SDK1: variants seen among roughly 807,000 people sequenced by gnomAD.
SDK1 encodes the protein sidekick cell adhesion molecule 1.
In SDK1, 157 loss-of-function variants were observed where a neutral mutation model predicts 245.5. The ratio of observed to expected loss-of-function variants is 0.64; its 90% CI spans 0.56 to 0.73. The LOEUF (loss-of-function observed/expected upper bound fraction) is 0.73, where lower values mean the gene tolerates loss of function less well. SDK1 is among the 30% of genes least tolerant of loss of function. The pLI is 0.00. For synonymous variants in SDK1, 1,647 were observed against 1,278.5 expected, an observed-to-expected ratio of 1.29 and a Z score of -6.15; for missense variants, 3,583 against 3,002.3, an observed-to-expected ratio of 1.19 and a Z score of -4.52.
intron 1 of SDK1, among the ~76,000 whole-genome samples, chr7:3,413,346 G>T (rs955265820): frequency 6.6e-6 from 1 of 152,186 alleles, no homozygotes; most frequent in African/African-American, 2.4e-5. Context: ...CCTCACTGTG[G>T]TAAGGAGTTG....
intron 1 of SDK1, among the ~76,000 whole-genome samples, chr7:3,457,201 C>G (rs763818827): frequency 3.9e-5 from 6 of 152,076 alleles, no homozygotes; most frequent in Non-Finnish European, 8.8e-5. Flanking sequence ...TTAGCTGCTG[C>G]CTTTGGTTGT....
intron 4 of SDK1, among the ~76,000 whole-genome samples, chr7:3,733,919 A>G (rs1025137214): frequency 5.9e-5 from 9 of 151,912 alleles, no homozygotes; most frequent in African/African-American, 2.2e-4. Flanking sequence ...AGAGCTACTG[A>G]CCGAGATCTC....
chr7:3,940,011 A>T lies in SDK1; in HGVS notation c.848-10912A>T, dbSNP rs553887307. 1.8e-3 allele frequency among the ~76,000 whole-genome samples: 269 copies of T among 152,368 alleles called. 1 individual carries two copies. Among genetic ancestry groups the T allele is most frequent in the African/African-American group, 6.2e-3 (259 of 41,582 alleles). ...CGTAGGCAATGTTCAAGGCCAGGAAAGACTCACCAGTTCCTGTGCTTCCCA... is the reference window on the plus strand; with the variant it reads ...CGTAGGCAATGTTCAAGGCCAGGAATGACTCACCAGTTCCTGTGCTTCCCA... On this transcript the variant is annotated intron_variant, in intron 5 of 44. Coordinates refer to ENST00000404826, the MANE Select transcript of SDK1 (RefSeq NM_152744.4).
chr7:4,186,282 G>A (rs1782889678), intron 35 of SDK1, among the ~76,000 whole-genome samples: 1 of 152,130 alleles, frequency 6.6e-6, no homozygotes, highest in African/African-American at 2.4e-5. Flanking sequence ...AGACAAGCAT[G>A]GCCGCCAGCC....
At chr7:4,083,731 TCCA>T (rs1372837152) in intron 22 of SDK1, among the ~76,000 whole-genome samples, 3 of 628 alleles carry the variant, frequency 4.8e-3, no homozygotes, top group Non-Finnish European at 9.4e-3. Context: ...CTTTACTTCC[TCCA>T]TCCCTCCCTT....
intron 1 of SDK1, among the ~76,000 whole-genome samples, chr7:3,495,217 C>A (rs1304921971): frequency 6.6e-6 from 1 of 151,652 alleles, no homozygotes; most frequent in African/African-American, 2.4e-5. Context: ...TTCAGCGAGG[C>A]CCCTTTCTGT....
At chr7:3,893,789 TG>T (rs1431359175) in intron 5 of SDK1, among the ~76,000 whole-genome samples, 4 of 151,912 alleles carry the variant, frequency 2.6e-5, no homozygotes, top group African/African-American at 9.7e-5. Flanking sequence ...CTCCAGGTGA[TG>T]GTGATTTCGT....
At position 3,581,692 on chromosome 7, in the gene SDK1, T is replaced by C. The variant is rs114075858; in HGVS notation, c.299-37388T>C. ...AATCGTTCTACGACAAAGACACATA[T>C]ACATGGATATTCATTGCAGCAGTAT... On this transcript the variant is annotated intron_variant, in intron 1 of 44. Coordinates refer to ENST00000404826, the MANE Select transcript of SDK1 (RefSeq NM_152744.4). Among the ~76,000 whole-genome samples, 402 of 152,310 alleles carry C rather than the reference T, an allele frequency of 2.6e-3. 2 individuals are homozygous for C. Among genetic ancestry groups the C allele is most frequent in the African/African-American group, 9.2e-3 (382 of 41,564 alleles).
At chr7:3,344,619 A>T (rs1780444267) in intron 1 of SDK1, among the ~76,000 whole-genome samples, 1 of 152,168 alleles carries the variant, frequency 6.6e-6, no homozygotes, top group African/African-American at 2.4e-5. Flanking sequence ...AACAAATGTT[A>T]AAACTGCATT....
At chr7:3,858,949 A>T (rs911644043) in intron 5 of SDK1, among the ~76,000 whole-genome samples, 3 of 140,562 alleles carry the variant, frequency 2.1e-5, no homozygotes. Flanking sequence ...TGCAAGCTCC[A>T]CCCACCAGGT....
At chr7:3,721,034 T>C (rs2115029177) in intron 4 of SDK1, among the ~76,000 whole-genome samples, 1 of 152,316 alleles carries the variant, frequency 6.6e-6, no homozygotes, top group South Asian at 2.1e-4. Flanking sequence ...ATTCCATTTA[T>C]TTAAGATCCC....
chr7:3,743,252 C>T (rs925012516), intron 4 of SDK1, among the ~76,000 whole-genome samples: 10 of 152,000 alleles, frequency 6.6e-5, no homozygotes, highest in Admixed American at 2.0e-4. Context: ...TATGCCTGGA[C>T]GTAAATAGCA....
chr7:3,751,052 G>A (rs548569748), intron 4 of SDK1, among the ~76,000 whole-genome samples: 19 of 152,092 alleles, frequency 1.2e-4, no homozygotes. Flanking sequence ...ATACCTTCGA[G>A]CTCCACCCTG....
At chr7:3,556,213 C>T (rs1177333606) in intron 1 of SDK1, among the ~76,000 whole-genome samples, 2 of 138,164 alleles carry the variant, frequency 1.4e-5, no homozygotes, top group Non-Finnish European at 1.6e-5. Flanking sequence ...GATACATATA[C>T]ACGATGGAGT....
intron 35 of SDK1, among the ~76,000 whole-genome samples, chr7:4,193,392 AT>A (rs369596679): frequency 0.18 from 24,773 of 138,044 alleles, 2,375 homozygotes; most frequent in Middle Eastern, 0.27. Flanking sequence ...ATATATATAT[AT>A]ATATAAAGGG....
At chr7:3,562,078 A>G (rs956451427) in intron 1 of SDK1, among the ~76,000 whole-genome samples, 4 of 152,344 alleles carry the variant, frequency 2.6e-5, no homozygotes, top group Non-Finnish European at 5.9e-5. Flanking sequence ...CTGGGACAGA[A>G]TGCCACGCCT....
intron 2 of SDK1, among the ~76,000 whole-genome samples, chr7:3,627,020 C>T (rs1417354795): frequency 3.9e-5 from 6 of 151,994 alleles, no homozygotes; most frequent in Non-Finnish European, 7.4e-5. Context: ...CTCGACCTCC[C>T]GGGCTCAGTT....
intron 17 of SDK1, among the ~76,000 whole-genome samples, chr7:4,019,058 C>T (rs954914565): frequency 6.6e-6 from 1 of 152,144 alleles, no homozygotes; most frequent in Admixed American, 6.5e-5. Context: ...TTCGGCCCCA[C>T]AAGCACCTCC....
chr7:3,370,953 G>C (rs551657535), intron 1 of SDK1, among the ~76,000 whole-genome samples: 18 of 152,062 alleles, frequency 1.2e-4, no homozygotes, highest in Non-Finnish European at 2.1e-4. Context: ...CCAACATGCA[G>C]CCCCGCAGCA....
Sources: allele counts gnomAD v4.1 joint callset (sites outside exome capture counted in the v4.1 genomes callset), GRCh38; gene constraint gnomAD v4.1.1; transcripts MANE v1.5; gene names NCBI Gene and HGNC (gene_info 2026-07-23, HGNC 2026-07-21).